Variants in LRRC14 observed in about 807,000 individuals in gnomAD.
The protein encoded by LRRC14 is leucine rich repeat containing 14, also known as leucine-rich repeat-containing protein 14.
Under a neutral mutation model 25.3 loss-of-function variants are expected in LRRC14, and 16 were observed. The observed-to-expected ratio is 0.63, with a 90% CI of 0.43 to 0.96. LRRC14 has a LOEUF of 0.96. Ranked by LOEUF, LRRC14 falls within the 40% of genes least tolerant of loss-of-function variation. The pLI is 0.00. For missense variants in LRRC14, 594 were observed against 660.5 expected, an observed-to-expected ratio of 0.90 and a Z score of 1.10; for synonymous variants, 359 against 295.1, an observed-to-expected ratio of 1.22 and a Z score of -2.22.
At position 144,521,566 on chromosome 8, in the gene LRRC14, C is replaced by T. The variant is rs543145955; in HGVS notation, c.*88C>T. The T allele has an allele frequency of 1.2e-5, 16 of 1,308,608 alleles. No homozygotes were observed. In the African/African-American group the frequency reaches 2.4e-4, roughly 19 times the overall value. The allele number at this position is 1,308,608 out of a possible 1,614,324, so 81.1% of individuals were successfully genotyped here. On this transcript the variant is annotated 3_prime_UTR_variant, in exon 4 of 4. Transcript: ENST00000292524. ...CTGGGACCCCTGGTGGAGGCCTTCA[C>T]AAAAGCACTGGTTACTGGTTTCCTG...
In LRRC14 at chr8:144,524,570, C is replaced by G; in HGVS notation, c.*3092C>G. The stretch of plus-strand genomic sequence containing the variant: ...CGCGCAGCCGGTTGCTAGTGAGCGC[C>G]AGCTCCAGCAGGCGCGGCTGCGCGC... On this transcript the variant is annotated 3_prime_UTR_variant, in exon 4 of 4. Transcript: ENST00000292524. 6.4e-7 allele frequency: 1 copy of G among 1,557,894 alleles called. No homozygotes were observed. The highest frequency in any genetic ancestry group is 8.6e-7 in the Non-Finnish European group (1 of 1,161,036).
rs1815973051 is a variant in LRRC14, at chr8:144,520,788, T to C, written c.880T>C (p.Ser294Pro). Reference protein sequence around the residue: ...TCLRELSMGSSLLSGRLDQLL... With the variant: ...TCLRELSMGSPLLSGRLDQLL... The stretch of plus-strand genomic sequence containing the variant: ...TCTGCGTGAGCTCAGCATGGGCTCC[T>C]CTCTCCTTTCAGGGAGGCTGGACCA... Residue 294 changes from serine (S) to proline (P), a missense_variant, in exon 3 of 4, where the codon TCT (serine) becomes CCT (proline). Coordinates refer to ENST00000292524, the MANE Select transcript of LRRC14 (RefSeq NM_014665.4). 7 of 1,598,262 alleles carry C rather than the reference T, an allele frequency of 4.4e-6. No individual in the cohort carries two copies. Among genetic ancestry groups the C allele is most frequent in the Non-Finnish European group, 5.1e-6 (6 of 1,179,666 alleles).
Position 144,522,133 on chromosome 8 carries a change from C to CCCTTCGCGGGGCAGCCCCGT in LRRC14, c.*657_*676dup, listed in dbSNP as rs1225389266. On this transcript the variant is annotated 3_prime_UTR_variant, in exon 4 of 4. Transcript: ENST00000292524. ...AACTGCCATCCAGCCTGTCGCCCCGCCCTTCGCGGGGCAGCCCCGTCGGCA... is the reference window on the plus strand; with the variant it reads ...AACTGCCATCCAGCCTGTCGCCCCGCCCTTCGCGGGGCAGCCCCGTCCTTCGCGGGGCAGCCCCGTCGGCA... 3 of 306,178 alleles carry CCCTTCGCGGGGCAGCCCCGT rather than the reference C, an allele frequency of 9.8e-6. No homozygotes were observed. The highest frequency in any genetic ancestry group is 5.3e-5 in the East Asian group (1 of 18,822). 19.0% of individuals were successfully genotyped at this position (306,178 alleles called of 1,614,324 possible). A position where few individuals can be genotyped will look rare whatever the true frequency, so the allele number is the denominator to read the frequency against.
chr8:144,523,980 G>T lies in LRRC14; in HGVS notation c.*2502G>T. ...CCCACTCCCGCAGCCCTCCAGTGTG[G>T]CTGCAGGCGGTGGTGCAGCCTTCCA... On this transcript the variant is annotated 3_prime_UTR_variant, in exon 4 of 4. Transcript: ENST00000292524. 9.2e-7 allele frequency: 1 copy of T among 1,083,904 alleles called. No homozygotes were observed. Among genetic ancestry groups the T allele is most frequent in the Non-Finnish European group, 1.3e-6 (1 of 750,988 alleles). 67.1% of individuals were successfully genotyped at this position (1,083,904 alleles called of 1,614,324 possible).
chr8:144,521,601 CCTTG>C lies in LRRC14; in HGVS notation c.*127_*130del. On this transcript the variant is annotated 3_prime_UTR_variant, in exon 4 of 4. Transcript: ENST00000292524. ...GGTTACTGGTTTCCTGCTGGGTCTA[CCTTG>C]CTTCTGGGCACACCTCAAGCCTCCC... is the stretch of plus-strand genomic sequence containing the variant. 1 of 1,052,752 alleles carries C rather than the reference CCTTG, an allele frequency of 9.5e-7. No homozygotes were observed. Among genetic ancestry groups the C allele is most frequent in the South Asian group, 1.7e-5 (1 of 60,370 alleles). 65.2% of individuals were successfully genotyped at this position (1,052,752 alleles called of 1,614,324 possible). A position where few individuals can be genotyped will look rare whatever the true frequency, so the allele number is the denominator to read the frequency against.
Position 144,523,996 on chromosome 8 carries a change from C to T in LRRC14, c.*2518C>T, listed in dbSNP as rs754714631. The stretch of plus-strand genomic sequence containing the variant: ...TCCAGTGTGGCTGCAGGCGGTGGTG[C>T]AGCCTTCCAGACTGCTGCCCAGTTG... On this transcript the variant is annotated 3_prime_UTR_variant, in exon 4 of 4. Coordinates refer to ENST00000292524, the MANE Select transcript of LRRC14 (RefSeq NM_014665.4). 118 of 1,274,780 alleles carry T rather than the reference C, an allele frequency of 9.3e-5. No individual in the cohort carries two copies. Among genetic ancestry groups the T allele is most frequent in the Non-Finnish European group, 1.2e-4 (112 of 919,854 alleles). The allele number at this position is 1,274,780 out of a possible 1,614,324, so 79.0% of individuals were successfully genotyped here. A position where few individuals can be genotyped will look rare whatever the true frequency, so the allele number is the denominator to read the frequency against.
In LRRC14 at chr8:144,521,173, G is replaced by A. The variant is rs1457231623; in HGVS notation, c.1177G>A (p.Ala393Thr). ...LATLPILTQC[A>T]SLRYLGLYGN... ...CACACTACCCATCCTGACTCAGTGC[G>A]CCAGTCTCCGGTACCTTGGCCTCTA... The change falls in exon 4 of 4, where the codon GCC (alanine) becomes ACC (threonine). Residue 393 changes from alanine to threonine, a missense_variant. Coordinates refer to ENST00000292524, the MANE Select transcript of LRRC14 (RefSeq NM_014665.4). 5.6e-6 allele frequency: 9 copies of A among 1,613,136 alleles called. No homozygotes were observed. Among genetic ancestry groups the A allele is most frequent in the Middle Eastern group, 1.6e-4 (1 of 6,062 alleles).
At position 144,520,753 on chromosome 8, in the gene LRRC14, G is replaced by A. The variant is rs570834867; in HGVS notation, c.845G>A (p.Arg282His). ...CGCTACTTCCTTGCCCAGATGGGCCGCTTCACCTGTCTGCGTGAGCTCAGC... is the reference window on the plus strand; with the variant it reads ...CGCTACTTCCTTGCCCAGATGGGCCACTTCACCTGTCTGCGTGAGCTCAGC... Reference protein sequence around the residue: ...NFRYFLAQMGRFTCLRELSMG... With the variant: ...NFRYFLAQMGHFTCLRELSMG... Residue 282 changes from arginine to histidine, a missense_variant, in exon 3 of 4, where the codon CGC becomes CAC. Transcript: ENST00000292524. 67 of 1,598,656 alleles carry A rather than the reference G, an allele frequency of 4.2e-5. No homozygotes were observed. Among genetic ancestry groups the A allele is most frequent in the Middle Eastern group, 1.6e-4 (1 of 6,082 alleles).
In LRRC14 at chr8:144,519,854, G is replaced by A. The variant is rs750547365; in HGVS notation, c.129G>A (p.Lys43=). The A allele has an allele frequency of 1.5e-4, 247 of 1,613,470 alleles. No homozygotes were observed. Among genetic ancestry groups the A allele is most frequent in the Non-Finnish European group, 1.9e-4 (229 of 1,180,042 alleles). The part of the protein sequence containing the change: ...LLFKVAFMDK[K]TVVLRELVHT... Reference sequence around the variant, plus strand: ...TCAAGGTGGCCTTCATGGACAAGAAGACAGTGGTACTGCGCGAGTTGGTAC... The same window carrying A: ...TCAAGGTGGCCTTCATGGACAAGAAAACAGTGGTACTGCGCGAGTTGGTAC... Residue 43 remains lysine, a synonymous_variant, in exon 2 of 4, where the codon AAG becomes AAA. Coordinates refer to ENST00000292524, the MANE Select transcript of LRRC14 (RefSeq NM_014665.4).
chr8:144,522,763 C>G lies in LRRC14; in HGVS notation c.*1285C>G. 1 of 1,574,296 alleles carries G rather than the reference C, an allele frequency of 6.4e-7. No homozygotes were observed. Among genetic ancestry groups the G allele is most frequent in the South Asian group, 1.2e-5 (1 of 86,654 alleles). On this transcript the variant is annotated 3_prime_UTR_variant, in exon 4 of 4. Transcript: ENST00000292524. Reference sequence around the variant, plus strand: ...GACAGATCATGGCGACCAGGAGCAGCGCCGTGAGCGCCAGCAGCGCGATGG... The same window carrying G: ...GACAGATCATGGCGACCAGGAGCAGGGCCGTGAGCGCCAGCAGCGCGATGG...
In LRRC14 at chr8:144,522,840, T is replaced by C; in HGVS notation, c.*1362T>C. The C allele has an allele frequency of 7.3e-7, 1 of 1,378,188 alleles. No individual in the cohort carries two copies. Among genetic ancestry groups the C allele is most frequent in the Non-Finnish European group, 9.4e-7 (1 of 1,068,180 alleles). 85.4% of individuals were successfully genotyped at this position (1,378,188 alleles called of 1,614,324 possible). On this transcript the variant is annotated 3_prime_UTR_variant, in exon 4 of 4. Transcript: ENST00000292524. ...ACGCCCAGGGCGCGGAAGGCCATGC[T>C]GCCCGCCTCGGGCCGGGGCTCGCTG...
At position 144,522,466 on chromosome 8, in the gene LRRC14, C is replaced by A; in HGVS notation, c.*988C>A. The A allele has an allele frequency of 7.1e-7, 1 of 1,415,418 alleles. No individual in the cohort carries two copies. Among genetic ancestry groups the A allele is most frequent in the Non-Finnish European group, 9.2e-7 (1 of 1,092,570 alleles). The allele number at this position is 1,415,418 out of a possible 1,614,324, so 87.7% of individuals were successfully genotyped here. On this transcript the variant is annotated 3_prime_UTR_variant, in exon 4 of 4. Transcript: ENST00000292524. ...CTCCGGCGCCCACGTCATCCGCGCG[C>A]CCGCGGCCCTAGCAGTGGATCTCGT... is the stretch of plus-strand genomic sequence containing the variant.
At position 144,521,535 on chromosome 8, in the gene LRRC14, C is replaced by T; in HGVS notation, c.*57C>T. On this transcript the variant is annotated 3_prime_UTR_variant, in exon 4 of 4. Coordinates refer to ENST00000292524, the MANE Select transcript of LRRC14 (RefSeq NM_014665.4). ...CTGCAGTCTCTTTAGGTAGGCAGGGCCTTTGCTGGGACCCCTGGTGGAGGC... is the reference window on the plus strand; with the variant it reads ...CTGCAGTCTCTTTAGGTAGGCAGGGTCTTTGCTGGGACCCCTGGTGGAGGC... 6.6e-7 allele frequency: 1 copy of T among 1,504,800 alleles called. No homozygotes were observed. 93.2% of individuals were successfully genotyped at this position (1,504,800 alleles called of 1,614,324 possible).
chr8:144,522,354 C>G lies in LRRC14; in HGVS notation c.*876C>G. ...CCCAGGATTCCCGAGTGCAACGTTC[C>G]CGGCTCGCGCCCCACACACGGCTCA... On this transcript the variant is annotated 3_prime_UTR_variant, in exon 4 of 4. Coordinates refer to ENST00000292524, the MANE Select transcript of LRRC14 (RefSeq NM_014665.4). 7.6e-7 allele frequency: 1 copy of G among 1,317,914 alleles called. No individual in the cohort carries two copies. 81.6% of individuals were successfully genotyped at this position (1,317,914 alleles called of 1,614,324 possible).
rs766584717 is a variant in LRRC14 at position 144,523,074 on chromosome 8, G to T, written c.*1596G>T. 1.2e-6 allele frequency: 2 copies of T among 1,607,620 alleles called. No individual in the cohort carries two copies. The highest frequency in any genetic ancestry group is 2.7e-5 in the African/African-American group (2 of 74,814). ...GATGCCGAGTGTCCGCCCAGGCCCA[G>T]CAACCCGCCTTCTAGCTGGGCCTGG... On this transcript the variant is annotated 3_prime_UTR_variant, in exon 4 of 4. Coordinates refer to ENST00000292524, the MANE Select transcript of LRRC14 (RefSeq NM_014665.4).
At position 144,522,862 on chromosome 8, in the gene LRRC14, G is replaced by A; in HGVS notation, c.*1384G>A. The A allele has an allele frequency of 3.1e-6, 4 of 1,270,462 alleles. 1 individual carries two copies. Among genetic ancestry groups the A allele is most frequent in the Non-Finnish European group, 3.9e-6 (4 of 1,014,888 alleles). 78.7% of individuals were successfully genotyped at this position (1,270,462 alleles called of 1,614,324 possible). Reference sequence around the variant, plus strand: ...TGCTGCCCGCCTCGGGCCGGGGCTCGCTGCCGGCGGGGCGGGCGGCCGGAG... The same window carrying A: ...TGCTGCCCGCCTCGGGCCGGGGCTCACTGCCGGCGGGGCGGGCGGCCGGAG... On this transcript the variant is annotated 3_prime_UTR_variant, in exon 4 of 4. Transcript: ENST00000292524.
Position 144,523,012 on chromosome 8 carries a change from G to C in LRRC14, c.*1534G>C. 6.3e-7 allele frequency: 1 copy of C among 1,597,248 alleles called. No individual in the cohort carries two copies. Among genetic ancestry groups the C allele is most frequent in the Non-Finnish European group, 8.5e-7 (1 of 1,174,950 alleles). Reference sequence around the variant, plus strand: ...CGTACTTACCGGCGTGCGCCAGCGTGATGTTGCTGAGGAAGAGCATGCCGC... The same window carrying C: ...CGTACTTACCGGCGTGCGCCAGCGTCATGTTGCTGAGGAAGAGCATGCCGC... On this transcript the variant is annotated 3_prime_UTR_variant, in exon 4 of 4. Transcript: ENST00000292524.
At position 144,523,347 on chromosome 8, in the gene LRRC14, G is replaced by A; in HGVS notation, c.*1869G>A. The A allele has an allele frequency of 1.3e-6, 2 of 1,585,978 alleles. No individual in the cohort carries two copies. The highest frequency in any genetic ancestry group is 1.7e-6 in the Non-Finnish European group (2 of 1,162,854). On this transcript the variant is annotated 3_prime_UTR_variant, in exon 4 of 4. Coordinates refer to ENST00000292524, the MANE Select transcript of LRRC14 (RefSeq NM_014665.4). Reference sequence around the variant, plus strand: ...CTGTCCCTGGAGGTGAGCAGCCGCTGGCCGCCCTCCTTGATCCAGGCACCC... The same window carrying A: ...CTGTCCCTGGAGGTGAGCAGCCGCTAGCCGCCCTCCTTGATCCAGGCACCC...
Position 144,521,357 on chromosome 8 carries a change from A to G in LRRC14, c.1361A>G (p.Glu454Gly). The change falls in exon 4 of 4, where the codon GAG becomes GGG. Residue 454 changes from glutamate (E) to glycine (G), a missense_variant. Glu to Gly is a moderately conservative substitution (Grantham distance 98). Coordinates refer to ENST00000292524, the MANE Select transcript of LRRC14 (RefSeq NM_014665.4). ...ASVLLEASIN[E>G]EKFARVEAEL... is the part of the protein sequence containing the mutation. ...GTCCTGCTGGAGGCCTCCATCAATGAGGAGAAGTTTGCCCGCGTAGAAGCT... is the reference window on the plus strand; with the variant it reads ...GTCCTGCTGGAGGCCTCCATCAATGGGGAGAAGTTTGCCCGCGTAGAAGCT... The G allele has an allele frequency of 1.2e-6, 2 of 1,612,796 alleles. No individual in the cohort carries two copies. Among genetic ancestry groups the G allele is most frequent in the Non-Finnish European group, 1.7e-6 (2 of 1,179,972 alleles).
Sources: allele counts gnomAD v4.1 joint callset, GRCh38; gene constraint gnomAD v4.1.1; transcripts MANE v1.5; gene names NCBI Gene and HGNC (gene_info 2026-07-23, HGNC 2026-07-21).